Variants in GRM8 observed in about 807,000 individuals in gnomAD.
GRM8 encodes the protein glutamate metabotropic receptor 8.
A neutral mutation model predicts 87.2 loss-of-function variants in GRM8; 47 were observed. The observed-to-expected ratio is 0.54, with a 90% CI of 0.43 to 0.69. The LOEUF (loss-of-function observed/expected upper bound fraction) is 0.69. Ranked by LOEUF, GRM8 falls within the 30% of genes least tolerant of loss-of-function variation. GRM8 has a pLI of 0.00. For synonymous variants in GRM8, 396 were observed against 404.5 expected, an observed-to-expected ratio of 0.98 and a Z score of 0.25; for missense variants, 1,019 against 1,139.2, an observed-to-expected ratio of 0.89 and a Z score of 1.52.
intron 2 of GRM8, among the ~76,000 whole-genome samples, chr7:127,223,717 G>A (rs538628259): frequency 2.0e-5 from 3 of 152,172 alleles, no homozygotes; most frequent in African/African-American, 7.2e-5. Context: ...CGTGGGAGTG[G>A]AGGTCACATG....
intron 7 of GRM8, among the ~76,000 whole-genome samples, chr7:126,643,323 T>A (rs1331068159): frequency 0.026 from 340 of 13,262 alleles, 7 homozygotes; most frequent in South Asian, 0.035. Context: ...AAAAAAAATA[T>A]ATATATATAT....
intron 10 of GRM8, 138 bp from the exon 11 acceptor site, chr7:126,439,306 C>A (rs924672144): frequency 1.6e-6 from 1 of 641,194 alleles, no homozygotes; most frequent in African/African-American, 1.8e-5. Flanking sequence ...TATTTTTAAA[C>A]CATTCACAGT....
intron 3 of GRM8, among the ~76,000 whole-genome samples, chr7:127,081,096 A>G (rs1257301780): frequency 6.6e-6 from 1 of 152,160 alleles, no homozygotes; most frequent in Non-Finnish European, 1.5e-5. Flanking sequence ...TAGAAATGAG[A>G]TTCTAATTAG....
chr7:126,780,278 A>G (rs971768151), intron 6 of GRM8, among the ~76,000 whole-genome samples: 2 of 152,142 alleles, frequency 1.3e-5, no homozygotes, highest in Admixed American at 6.6e-5. Context: ...CCTCCTATGC[A>G]CCTTATCTGT....
intron 2 of GRM8, among the ~76,000 whole-genome samples, chr7:127,224,281 G>GA (rs1797171155): frequency 6.6e-6 from 1 of 152,134 alleles, no homozygotes; most frequent in African/African-American, 2.4e-5. Context: ...AAAGACAAAG[G>GA]AAAAAGCCTT....
intron 8 of GRM8, among the ~76,000 whole-genome samples, chr7:126,553,395 G>C (rs1036427354): frequency 1.3e-5 from 2 of 152,020 alleles, no homozygotes; most frequent in Non-Finnish European, 2.9e-5. Flanking sequence ...AATTAAATAA[G>C]CACAATGTTG....
At chr7:126,941,575 G>A (rs535328191) in intron 3 of GRM8, among the ~76,000 whole-genome samples, 4 of 150,038 alleles carry the variant, frequency 2.7e-5, no homozygotes, top group South Asian at 2.1e-4. Context: ...AGCGGAGATC[G>A]CACCACTGCA....
rs1024863625 is a variant in GRM8, at chr7:126,988,452, T to C, written c.728-83769A>G. Among the ~76,000 whole-genome samples, 2 of 152,238 alleles carry C rather than the reference T, an allele frequency of 1.3e-5. 1 individual carries two copies. Among genetic ancestry groups the C allele is most frequent in the South Asian group, 4.1e-4 (2 of 4,832 alleles). On this transcript the variant is annotated intron_variant, in intron 3 of 10. Transcript: ENST00000339582. Reference sequence around the variant, plus strand: ...AAGTGATAGAATTTAGTTATAAAAGTCCTACTAACTCTTGTAAAATAATCT... The same window carrying C: ...AAGTGATAGAATTTAGTTATAAAAGCCCTACTAACTCTTGTAAAATAATCT...
rs17868517 is a variant in GRM8, at chr7:127,122,471, A to T, written c.511-15759T>A. ...GTAAATATCATTAGGCTTTCTATTT[A>T]AAAAAAAAAATGGAAAAAGAAAAAA... is the stretch of plus-strand genomic sequence containing the variant. On this transcript the variant is annotated intron_variant, in intron 2 of 10. Transcript: ENST00000339582. 1.8e-4 allele frequency among the ~76,000 whole-genome samples: 15 copies of T among 83,232 alleles called. No individual in the cohort carries two copies. The African/African-American group carries it at 2.3e-3, about 13-fold the overall frequency. The allele number at this position is 83,232 out of a possible 152,430, so 54.6% of individuals were successfully genotyped here.
At chr7:126,672,661 G>A (rs1475811862) in intron 7 of GRM8, among the ~76,000 whole-genome samples, 5 of 152,338 alleles carry the variant, frequency 3.3e-5, no homozygotes, top group South Asian at 4.1e-4. Context: ...AAAGGGTAAA[G>A]TTCCTCTTCC....
intron 2 of GRM8, among the ~76,000 whole-genome samples, chr7:127,191,726 TC>T (rs1304561176): frequency 6.6e-6 from 1 of 152,218 alleles, no homozygotes; most frequent in Non-Finnish European, 1.5e-5. Flanking sequence ...AATAATATTT[TC>T]AACATTAGCT....
At chr7:126,586,685 A>G (rs1303398696) in intron 8 of GRM8, among the ~76,000 whole-genome samples, 1 of 152,230 alleles carries the variant, frequency 6.6e-6, no homozygotes, top group Non-Finnish European at 1.5e-5. Context: ...TTAAATCAAG[A>G]TGGATTAAAG....
intron 3 of GRM8, among the ~76,000 whole-genome samples, chr7:126,976,427 T>A (rs1172410885): frequency 6.6e-6 from 1 of 152,106 alleles, no homozygotes; most frequent in South Asian, 2.1e-4. Context: ...AACCCGTCTC[T>A]ACTAAAAATA....
intron 7 of GRM8, among the ~76,000 whole-genome samples, chr7:126,688,333 C>A (rs533700375): frequency 1.2e-4 from 18 of 152,156 alleles, no homozygotes; most frequent in African/African-American, 4.3e-4. Context: ...GATCTCTATG[C>A]AAAAAAGCAC....
At chr7:126,911,592 C>A (rs1803301963) in intron 3 of GRM8, among the ~76,000 whole-genome samples, 1 of 152,188 alleles carries the variant, frequency 6.6e-6, no homozygotes, top group South Asian at 2.1e-4. Context: ...ATGTTGGACT[C>A]TCCTAGAAGC....
intron 3 of GRM8, among the ~76,000 whole-genome samples, chr7:127,062,013 G>A (rs1341704841): frequency 6.6e-6 from 1 of 152,020 alleles, no homozygotes; most frequent in East Asian, 1.9e-4. Context: ...GCGTGGTGAT[G>A]TGTGCCTGTA....
intron 6 of GRM8, among the ~76,000 whole-genome samples, chr7:126,839,153 A>G (rs1264499215): frequency 6.6e-6 from 1 of 152,208 alleles, no homozygotes; most frequent in East Asian, 1.9e-4. Context: ...TAAGGCACAC[A>G]TGTAACACCC....
At chr7:127,122,235 C>T (rs1042268331) in intron 2 of GRM8, among the ~76,000 whole-genome samples, 1 of 152,136 alleles carries the variant, frequency 6.6e-6, no homozygotes, top group Non-Finnish European at 1.5e-5. Context: ...CTTTTAATAT[C>T]AACAGTCTAC....
chr7:126,461,173 C>G (rs1803855925), intron 9 of GRM8, among the ~76,000 whole-genome samples: 1 of 151,450 alleles, frequency 6.6e-6, no homozygotes, highest in South Asian at 2.1e-4. Context: ...TACTGAAGCC[C>G]TGTGTTCTGT....
Sources: allele counts gnomAD v4.1 joint callset (sites outside exome capture counted in the v4.1 genomes callset), GRCh38; gene constraint gnomAD v4.1.1; transcripts MANE v1.5; gene names NCBI Gene and HGNC (gene_info 2026-07-23, HGNC 2026-07-21).